Variants in SRRM3 observed in about 807,000 individuals in gnomAD.
SRRM3 encodes serine/arginine repetitive matrix 3.
A neutral mutation model predicts 66.2 loss-of-function variants in SRRM3; 27 were observed. That is an observed-to-expected ratio of 0.41 (90% confidence interval 0.30 to 0.56). The LOEUF is 0.56. SRRM3 is among the 20% of genes least tolerant of loss of function. SRRM3 has a pLI of 0.32. For synonymous variants in SRRM3, 391 were observed against 414.9 expected (o/e 0.94, Z 0.70); for missense variants, 918 against 991.9 (o/e 0.93, Z 1.00).
chr7:76,208,843 AAAAG>A (rs1458158660), intron 1 of SRRM3, among the ~76,000 whole-genome samples: 1 of 151,136 alleles, frequency 6.6e-6, no homozygotes, highest in East Asian at 1.9e-4. Context: ...CCTGAAAAAA[AAAAG>A]AAAGAAAAAA....
At chr7:76,215,088 A>T (rs920585627) in intron 1 of SRRM3, among the ~76,000 whole-genome samples, 2 of 152,020 alleles carry the variant, frequency 1.3e-5, no homozygotes, top group African/African-American at 2.4e-5. Context: ...TAGGGTAGAT[A>T]AAATATGCAA....
At chr7:76,261,479 G>A (rs1377639762) in intron 7 of SRRM3, 65 bp downstream of exon 7, 3 of 1,600,030 alleles carry the variant, frequency 1.9e-6, no homozygotes, top group Middle Eastern at 1.7e-4. Context: ...CCAGGGCTGT[G>A]GCCCTCCATA....
At chr7:76,212,021 T>C (rs909874813) in intron 1 of SRRM3, among the ~76,000 whole-genome samples, 1 of 151,274 alleles carries the variant, frequency 6.6e-6, no homozygotes, top group African/African-American at 2.4e-5. Flanking sequence ...TTAAAATGTT[T>C]TTTGTAGAGA....
chr7:76,262,537 A>G (rs573760546), intron 8 of SRRM3, among the ~76,000 whole-genome samples: 1 of 146,644 alleles, frequency 6.8e-6, no homozygotes, highest in East Asian at 2.0e-4. Flanking sequence ...AAAAAAAAAC[A>G]AAGTCTGGGT....
chr7:76,228,598 C>A (rs1800937876), intron 1 of SRRM3, among the ~76,000 whole-genome samples: 1 of 152,006 alleles, frequency 6.6e-6, no homozygotes, highest in Non-Finnish European at 1.5e-5. Context: ...GTGGTGTGCA[C>A]CTGTAATCCC....
intron 1 of SRRM3, among the ~76,000 whole-genome samples, chr7:76,206,733 C>A (rs910020199): frequency 6.6e-6 from 1 of 152,180 alleles, no homozygotes; most frequent in African/African-American, 2.4e-5. Context: ...CCTCGCCCCC[C>A]AAGGACTCCT....
intron 11 of SRRM3, among the ~76,000 whole-genome samples, chr7:76,271,602 C>CA (rs1174582966): frequency 6.6e-6 from 1 of 152,162 alleles, no homozygotes; most frequent in Non-Finnish European, 1.5e-5. Context: ...ATGATTGCGC[C>CA]ACTGCACTCC....
chr7:76,226,822 C>T (rs1800876219), intron 1 of SRRM3, among the ~76,000 whole-genome samples: 1 of 152,052 alleles, frequency 6.6e-6, no homozygotes, highest in South Asian at 2.1e-4. Context: ...AACTCCTGGC[C>T]TCAGGTGATC....
At chr7:76,232,052 A>C (rs1554604278) in intron 1 of SRRM3, among the ~76,000 whole-genome samples, 1 of 152,186 alleles carries the variant, frequency 6.6e-6, no homozygotes, top group Non-Finnish European at 1.5e-5. Flanking sequence ...GGGGTCTTGC[A>C]GGCCGTATCA....
Position 76,242,290 on chromosome 7 carries a change from G to A in SRRM3, c.234-5898G>A, listed in dbSNP as rs1554605714. Among the ~76,000 whole-genome samples the A allele has an allele frequency of 3.3e-5, 5 of 152,238 alleles. No homozygotes were observed. In the South Asian group the frequency reaches 1.0e-3, roughly 32 times the overall value. On this transcript the variant is annotated intron_variant, in intron 2 of 14. Transcript: ENST00000611745. The stretch of plus-strand genomic sequence containing the variant: ...ACCTGAGGTCGGGAGTTCGAGACCA[G>A]CCTGACCAACATGGAGAAACTCCAT...
Position 76,260,086 on chromosome 7 carries a change from ACCGCCCCCACCC to A in SRRM3, c.465-23_465-12del. The A allele has an allele frequency of 2.0e-6, 1 of 497,626 alleles. No homozygotes were observed. Among genetic ancestry groups the A allele is most frequent in the Non-Finnish European group, 2.5e-6 (1 of 395,560 alleles). 30.8% of individuals were successfully genotyped at this position (497,626 alleles called of 1,614,324 possible). On this transcript the variant is annotated intron_variant, in intron 4 of 14. Coordinates refer to ENST00000611745, the MANE Select transcript of SRRM3 (RefSeq NM_001110199.3). ...GGGGCGCGCGGGGCTGCCCCCCCTC[ACCGCCCCCACCC>A]CCGCCCCTTCTCCCCCAGGACCAAG...
chr7:76,262,671 C>T (rs931149309), intron 8 of SRRM3, among the ~76,000 whole-genome samples: 3 of 151,982 alleles, frequency 2.0e-5, no homozygotes, highest in African/African-American at 7.3e-5. Flanking sequence ...CAAAAATTAT[C>T]TGGGCATGGT....
Position 76,217,126 on chromosome 7 carries a change from G to A in SRRM3, c.-40+15059G>A, listed in dbSNP as rs78694866. 8.3e-3 allele frequency among the ~76,000 whole-genome samples: 1,269 copies of A among 152,282 alleles called. 24 individuals carry two copies. Among genetic ancestry groups the A allele is most frequent in the African/African-American group, 0.029 (1,193 of 41,560 alleles). ...ATAGCTCTGGCCTGGGTAGGGGTAG[G>A]GTAGGGGTACACATCACCATCCAAT... On this transcript the variant is annotated intron_variant, in intron 1 of 14. Transcript: ENST00000611745.
intron 3 of SRRM3, among the ~76,000 whole-genome samples, chr7:76,257,134 G>C (rs995528969): frequency 1.3e-5 from 2 of 152,164 alleles, no homozygotes; most frequent in African/African-American, 4.8e-5. Flanking sequence ...AGACCAGTAG[G>C]TCTCAGCCTC....
intron 1 of SRRM3, among the ~76,000 whole-genome samples, chr7:76,233,350 T>C (rs1801057601): frequency 6.6e-6 from 1 of 152,088 alleles, no homozygotes; most frequent in Admixed American, 6.6e-5. Context: ...GGGACCCAAC[T>C]TGATGACAGG....
intron 11 of SRRM3, 95 bp from the exon 12 acceptor site, chr7:76,281,346 C>G (rs1554611872): frequency 2.2e-6 from 2 of 914,012 alleles, no homozygotes; most frequent in Non-Finnish European, 2.8e-6. Flanking sequence ...CTTTCAATCT[C>G]TCTCTCCCGT....
intron 14 of SRRM3, chr7:76,283,855 G>A: frequency 2.0e-6 from 2 of 985,222 alleles, no homozygotes; most frequent in Non-Finnish European, 2.4e-6. Context: ...GTCTGCCTTT[G>A]TGGAAATCAC....
intron 1 of SRRM3, among the ~76,000 whole-genome samples, chr7:76,207,998 C>T (rs577744864): frequency 2.6e-5 from 4 of 152,334 alleles, no homozygotes; most frequent in Middle Eastern, 3.4e-3. Flanking sequence ...CCCTGTCCCT[C>T]TTGGGTGGCA....
At chr7:76,234,194 AGTGTGTGTGT>A (rs58369922) in intron 1 of SRRM3, among the ~76,000 whole-genome samples, 8 of 141,078 alleles carry the variant, frequency 5.7e-5, no homozygotes, top group African/African-American at 1.6e-4. Context: ...AAGTCCTTGG[AGTGTGTGTGT>A]GTGTGTGTGT....
Sources: allele counts gnomAD v4.1 joint callset (sites outside exome capture counted in the v4.1 genomes callset), GRCh38; gene constraint gnomAD v4.1.1; transcripts MANE v1.5; gene names NCBI Gene and HGNC (gene_info 2026-07-23, HGNC 2026-07-21).